Variants in BRINP3 observed in about 807,000 individuals in gnomAD.
BRINP3 encodes BMP/retinoic acid-inducible neural-specific protein 3.
BRINP3 carries 19 observed loss-of-function variants against 71.0 expected under a neutral mutation model. The observed-to-expected ratio is 0.27, with a 90% CI of 0.19 to 0.39. The LOEUF (loss-of-function observed/expected upper bound fraction) is 0.39. Ranked by LOEUF, BRINP3 falls within the 10% of genes least tolerant of loss-of-function variation. The pLI, the probability that BRINP3 is intolerant of heterozygous loss-of-function variation, is 1.00. For missense variants in BRINP3, 959 were observed against 940.8 expected, an observed-to-expected ratio of 1.02 and a Z score of -0.25; for synonymous variants, 380 against 337.7, an observed-to-expected ratio of 1.13 and a Z score of -1.37.
At chr1:190,270,230 A>C (rs978354673) in intron 3 of BRINP3, among the ~76,000 whole-genome samples, 1 of 152,016 alleles carries the variant, frequency 6.6e-6, no homozygotes, top group African/African-American at 2.4e-5. Flanking sequence ...AGGAAAATCA[A>C]CATAGATAGA....
intron 7 of BRINP3, among the ~76,000 whole-genome samples, chr1:190,146,495 T>TA (rs1655899140): frequency 6.6e-6 from 1 of 152,162 alleles, no homozygotes; most frequent in African/African-American, 2.4e-5. Flanking sequence ...TTTTAATTAC[T>TA]ATATCATCAT....
intron 7 of BRINP3, among the ~76,000 whole-genome samples, chr1:190,123,196 T>C (rs1481146964): frequency 6.6e-6 from 1 of 152,144 alleles, no homozygotes; most frequent in Non-Finnish European, 1.5e-5. Context: ...TCAAAAAGTA[T>C]TGGACTCTTG....
intron 6 of BRINP3, among the ~76,000 whole-genome samples, chr1:190,184,966 T>C (rs982429648): frequency 5.3e-5 from 8 of 152,098 alleles, no homozygotes; most frequent in African/African-American, 1.9e-4. Context: ...AAACTCAAAG[T>C]GGATTAAAGA....
At chr1:190,335,998 C>A (rs1298743390) in intron 2 of BRINP3, among the ~76,000 whole-genome samples, 1 of 151,998 alleles carries the variant, frequency 6.6e-6, no homozygotes, top group Non-Finnish European at 1.5e-5. Flanking sequence ...TGAATTTCTA[C>A]AAGTGGGATG....
chr1:190,469,034 C>T (rs751251975), intron 1 of BRINP3, among the ~76,000 whole-genome samples: 12 of 150,962 alleles, frequency 7.9e-5, no homozygotes, highest in South Asian at 2.1e-4. Context: ...GTATCTTATA[C>T]ATCTGATAAG....
chr1:190,226,167 G>A lies in BRINP3; in HGVS notation c.876C>T (p.Pro292=), dbSNP rs199855839. The A allele has an allele frequency of 5.0e-6, 8 of 1,612,536 alleles. No individual in the cohort carries two copies. The Admixed American group carries it at 5.0e-5, about 10-fold the overall frequency. ...CGPKFPECNC[P]SMDIQAMEEN... ...CTTCCATGGCTTGAATGTCCATGGAGGGGCAGTTGCATTCTGGAAATTTGG... is the reference window on the plus strand; with the variant it reads ...CTTCCATGGCTTGAATGTCCATGGAAGGGCAGTTGCATTCTGGAAATTTGG... The change falls in exon 6 of 8, where the codon CCC becomes CCT. Residue 292 remains proline (P), a synonymous_variant. Transcript: ENST00000367462.
chr1:190,436,743 T>C (rs1026258008), intron 2 of BRINP3, among the ~76,000 whole-genome samples: 4 of 151,786 alleles, frequency 2.6e-5, no homozygotes, highest in African/African-American at 9.7e-5. Context: ...TGAGACTCAA[T>C]TGACTCAATT....
intron 1 of BRINP3, among the ~76,000 whole-genome samples, chr1:190,465,124 A>G (rs1245101028): frequency 2.6e-5 from 4 of 151,894 alleles, no homozygotes; most frequent in Non-Finnish European, 1.5e-5. Context: ...CAAATACAAG[A>G]ATCACCTAGG....
At chr1:190,151,641 T>C (rs911824036) in intron 7 of BRINP3, among the ~76,000 whole-genome samples, 1 of 152,136 alleles carries the variant, frequency 6.6e-6, no homozygotes, top group Non-Finnish European at 1.5e-5. Context: ...GAATCAGCAT[T>C]TTATTTGCTG....
intron 4 of BRINP3, among the ~76,000 whole-genome samples, chr1:190,238,546 T>C (rs1337916439): frequency 6.6e-6 from 1 of 152,114 alleles, no homozygotes; most frequent in East Asian, 1.9e-4. Flanking sequence ...TTTTCAACTT[T>C]ATTATCAAAG....
intron 2 of BRINP3, among the ~76,000 whole-genome samples, chr1:190,284,911 T>C (rs761711457): frequency 5.7e-4 from 87 of 152,084 alleles, no homozygotes; most frequent in Non-Finnish European, 9.6e-4. Flanking sequence ...TCCCCATATT[T>C]TCATATAAAG....
chr1:190,182,006 G>T, intron 6 of BRINP3, among the ~76,000 whole-genome samples: 1 of 151,956 alleles, frequency 6.6e-6, no homozygotes, highest in South Asian at 2.1e-4. Context: ...TTTTCTATTA[G>T]CACTTGAAAA....
intron 3 of BRINP3, among the ~76,000 whole-genome samples, chr1:190,269,092 T>C (rs781646582): frequency 6.6e-6 from 1 of 152,066 alleles, no homozygotes; most frequent in African/African-American, 2.4e-5. Flanking sequence ...AATTAAACAG[T>C]GCAGGCTGAC....
At chr1:190,209,929 C>A (rs1029134556) in intron 6 of BRINP3, among the ~76,000 whole-genome samples, 3 of 152,052 alleles carry the variant, frequency 2.0e-5, no homozygotes, top group African/African-American at 7.2e-5. Flanking sequence ...TAGTACATTT[C>A]TTTGAAAATG....
intron 2 of BRINP3, among the ~76,000 whole-genome samples, chr1:190,452,943 A>C: frequency 6.6e-6 from 1 of 152,118 alleles, no homozygotes; most frequent in African/African-American, 2.4e-5. Flanking sequence ...ATCACACATA[A>C]GACAGCACCT....
chr1:190,398,206 C>T (rs1164518409), intron 2 of BRINP3, among the ~76,000 whole-genome samples: 1 of 151,786 alleles, frequency 6.6e-6, no homozygotes, highest in African/African-American at 2.4e-5. Flanking sequence ...GTTCATGTTT[C>T]TTGAGTAAAA....
intron 2 of BRINP3, among the ~76,000 whole-genome samples, chr1:190,291,999 A>G (rs528060081): frequency 6.6e-6 from 1 of 152,266 alleles, no homozygotes; most frequent in South Asian, 2.1e-4. Flanking sequence ...GGCAATATGG[A>G]TGAACCTGGA....
At chr1:190,207,426 T>C (rs573992770) in intron 6 of BRINP3, among the ~76,000 whole-genome samples, 76 of 152,220 alleles carry the variant, frequency 5.0e-4, no homozygotes, top group Middle Eastern at 6.8e-3. Flanking sequence ...CTCCGAGATC[T>C]TTACACTAGC....
At chr1:190,211,614 C>T (rs1655997591) in intron 6 of BRINP3, among the ~76,000 whole-genome samples, 2 of 151,986 alleles carry the variant, frequency 1.3e-5, no homozygotes, top group Admixed American at 1.3e-4. Context: ...ATATGTTGTT[C>T]TCTGCCATCA....
Sources: allele counts gnomAD v4.1 joint callset (sites outside exome capture counted in the v4.1 genomes callset), GRCh38; gene constraint gnomAD v4.1.1; transcripts MANE v1.5; gene names NCBI Gene and HGNC (gene_info 2026-07-23, HGNC 2026-07-21).